Variants in ABCA13 observed in about 807,000 individuals in gnomAD.
The protein encoded by ABCA13 is ATP binding cassette subfamily A member 13.
ABCA13 carries 476 observed loss-of-function variants against 478.7 expected under a neutral mutation model. The observed-to-expected ratio is 0.99, with a 90% CI of 0.92 to 1.07. ABCA13 has a LOEUF of 1.07. ABCA13 is among the 50% of genes least tolerant of loss of function. The pLI is 0.00. For missense variants in ABCA13, 6,060 were observed against 5,910.6 expected, an observed-to-expected ratio of 1.03 and a Z score of -0.83; for synonymous variants, 2,252 against 2,158.9, an observed-to-expected ratio of 1.04 and a Z score of -1.20.
At chr7:48,359,037 G>T (rs1380475132) in intron 31 of ABCA13, among the ~76,000 whole-genome samples, 4 of 151,978 alleles carry the variant, frequency 2.6e-5, no homozygotes, top group South Asian at 4.1e-4. Flanking sequence ...TTGCTGGTTC[G>T]CAGGACCTTG....
chr7:48,433,240 G>C (rs1056486373), intron 42 of ABCA13, among the ~76,000 whole-genome samples: 1 of 151,850 alleles, frequency 6.6e-6, no homozygotes, highest in Non-Finnish European at 1.5e-5. Flanking sequence ...AGGAAACTGA[G>C]TAGCTGAAGG....
At chr7:48,537,764 AGAGCAGGTGATCAGGAGTGACTCAGGATG>A (rs1833679986) in intron 55 of ABCA13, among the ~76,000 whole-genome samples, 1 of 151,982 alleles carries the variant, frequency 6.6e-6, no homozygotes, top group South Asian at 2.1e-4. Context: ...GACTCAGGAC[AGAGCAGGTGATCAGGAGTGACTCAGGATG>A]GAGCAGGTGA....
At chr7:48,504,524 G>A (rs1831035704) in intron 48 of ABCA13, among the ~76,000 whole-genome samples, 1 of 152,018 alleles carries the variant, frequency 6.6e-6, no homozygotes, top group Admixed American at 6.6e-5. Flanking sequence ...GAAGATGATG[G>A]GGATATTTGC....
intron 55 of ABCA13, among the ~76,000 whole-genome samples, chr7:48,551,508 G>T (rs961120301): frequency 1.3e-5 from 2 of 151,632 alleles, no homozygotes; most frequent in African/African-American, 2.4e-5. Context: ...TATTAGATCT[G>T]TCCTTTTTCT....
chr7:48,284,711 G>T (rs1457538549), intron 19 of ABCA13, among the ~76,000 whole-genome samples: 3 of 152,168 alleles, frequency 2.0e-5, no homozygotes, highest in Non-Finnish European at 4.4e-5. Flanking sequence ...ATTAGTAACA[G>T]ATAATTAATT....
intron 53 of ABCA13, among the ~76,000 whole-genome samples, chr7:48,524,005 T>G (rs748846833): frequency 5.9e-5 from 9 of 152,230 alleles, no homozygotes; most frequent in Middle Eastern, 3.2e-3. Context: ...AGCTCTAGTT[T>G]AGTGCCAATT....
At chr7:48,419,549 A>G (rs977672793) in intron 41 of ABCA13, among the ~76,000 whole-genome samples, 1 of 114,198 alleles carries the variant, frequency 8.8e-6, no homozygotes, top group Non-Finnish European at 2.2e-5. Flanking sequence ...TCCACGTAAC[A>G]TGCCTCTGCA....
intron 20 of ABCA13, among the ~76,000 whole-genome samples, chr7:48,290,153 C>A (rs1468649124): frequency 6.6e-6 from 1 of 152,234 alleles, no homozygotes; most frequent in East Asian, 1.9e-4. Context: ...ACCCTTTGTT[C>A]CAAATAGTAG....
intron 53 of ABCA13, among the ~76,000 whole-genome samples, chr7:48,522,317 CT>C (rs1174014395): frequency 2.6e-5 from 4 of 152,282 alleles, no homozygotes; most frequent in East Asian, 1.9e-4. Context: ...CTAACCTGCG[CT>C]GACTCCTGTC....
In ABCA13 at chr7:48,297,940, A is replaced by ATTT. The variant is rs35586036; in HGVS notation, c.9200-411_9200-409dup. ...CAGGGATGTGCCACCATGCCCGGCT[A>ATTT]TTTTTTTTTTTTTTTTTGTATTTTT... On this transcript the variant is annotated intron_variant, in intron 22 of 61. Transcript: ENST00000435803. Among the ~76,000 whole-genome samples, 666 of 131,268 alleles carry ATTT rather than the reference A, an allele frequency of 5.1e-3. 9 individuals carry two copies. Among genetic ancestry groups the ATTT allele is most frequent in the African/African-American group, 0.018 (630 of 35,820 alleles). The allele number at this position is 131,268 out of a possible 152,430, so 86.1% of individuals were successfully genotyped here.
chr7:48,404,201 A>G (rs1817978125), intron 39 of ABCA13: 1 of 341,688 alleles, frequency 2.9e-6, no homozygotes, highest in Non-Finnish European at 5.8e-6. Flanking sequence ...ATCCCAGATC[A>G]TAGGACAAGC....
chr7:48,393,118 G>T (rs1463183163), intron 38 of ABCA13, among the ~76,000 whole-genome samples: 1 of 152,184 alleles, frequency 6.6e-6, no homozygotes, highest in Non-Finnish European at 1.5e-5. Context: ...AGAGACAGTA[G>T]GTTCCTGATT....
At chr7:48,277,597 T>TC (rs1325386454) in intron 17 of ABCA13, among the ~76,000 whole-genome samples, 1 of 152,144 alleles carries the variant, frequency 6.6e-6, no homozygotes, top group Non-Finnish European at 1.5e-5. Flanking sequence ...TGAGAGAATC[T>TC]CCCCTGTAGC....
chr7:48,632,942 T>C (rs1232492350), intron 59 of ABCA13, among the ~76,000 whole-genome samples: 1 of 152,144 alleles, frequency 6.6e-6, no homozygotes, highest in Non-Finnish European at 1.5e-5. Flanking sequence ...AATGAATGAC[T>C]TAAATGTAAA....
intron 10 of ABCA13, among the ~76,000 whole-genome samples, chr7:48,241,942 A>G (rs1790893500): frequency 6.6e-6 from 1 of 152,324 alleles, no homozygotes; most frequent in South Asian, 2.1e-4. Flanking sequence ...TGCTTGCGCT[A>G]AAGGCAGAAA....
At chr7:48,427,723 T>C (rs1821619046) in intron 41 of ABCA13, 43 bp from the exon 42 acceptor site, 2 of 1,352,180 alleles carry the variant, frequency 1.5e-6, no homozygotes, top group Admixed American at 3.7e-5. Flanking sequence ...GCGATGTGTA[T>C]AGAAACATAA....
At chr7:48,574,137 G>A (rs1044111208) in intron 55 of ABCA13, among the ~76,000 whole-genome samples, 1 of 151,918 alleles carries the variant, frequency 6.6e-6, no homozygotes, top group Admixed American at 6.6e-5. Context: ...TTTTGGATGG[G>A]ACACGATTCA....
chr7:48,422,561 T>G (rs1820911158), intron 41 of ABCA13, among the ~76,000 whole-genome samples: 1 of 152,186 alleles, frequency 6.6e-6, no homozygotes, highest in African/African-American at 2.4e-5. Flanking sequence ...TTTTTTCATT[T>G]TGTGTTGGAC....
intron 15 of ABCA13, among the ~76,000 whole-genome samples, chr7:48,252,869 G>A (rs902984789): frequency 2.0e-5 from 3 of 151,940 alleles, no homozygotes; most frequent in African/African-American, 7.3e-5. Flanking sequence ...GTTTTATTTT[G>A]GTATGTCTTG....
Sources: gnomAD v4.1 joint callset for allele counts (sites outside exome capture counted in the v4.1 genomes callset) on GRCh38, gnomAD v4.1.1 for gene constraint, MANE v1.5 for transcripts, NCBI Gene and HGNC (gene_info 2026-07-23, HGNC 2026-07-21) for gene names.